The following CTNNA2 variants were observed in gnomAD, a reference collection of about 807,000 sequenced individuals.
The protein encoded by CTNNA2 is catenin alpha-2.
Under a neutral mutation model 101.0 loss-of-function variants are expected in CTNNA2, and 42 were observed. The ratio of observed to expected loss-of-function variants is 0.42; its 90% CI spans 0.32 to 0.54. The LOEUF is 0.54. Ranked by LOEUF, CTNNA2 falls within the 20% of genes least tolerant of loss-of-function variation. The pLI is 0.14. For missense variants in CTNNA2, 871 were observed against 1,223.1 expected, an observed-to-expected ratio of 0.71 and a Z score of 4.29; for synonymous variants, 450 against 456.4, an observed-to-expected ratio of 0.99 and a Z score of 0.18.
At chr2:79,618,886 A>G (rs59093443) in intron 1 of CTNNA2, among the ~76,000 whole-genome samples, 3,534 of 152,280 alleles carry the variant, frequency 0.023, 125 homozygotes, top group African/African-American at 0.081. Context: ...ATGCACATAA[A>G]TATATGGGTA....
intron 9 of CTNNA2, among the ~76,000 whole-genome samples, chr2:80,469,967 A>G (rs1303257119): frequency 1.3e-5 from 2 of 152,200 alleles, no homozygotes; most frequent in African/African-American, 2.4e-5. Context: ...CAATAGCAAT[A>G]TAACCCTAAG....
At chr2:79,865,966 G>T (rs533184230) in intron 4 of CTNNA2, among the ~76,000 whole-genome samples, 1 of 152,208 alleles carries the variant, frequency 6.6e-6, no homozygotes, top group Non-Finnish European at 1.5e-5. Context: ...TGATCCGCCC[G>T]CCTCGGCCTC....
At chr2:80,020,235 A>T (rs1694457698) in intron 7 of CTNNA2, among the ~76,000 whole-genome samples, 1 of 152,210 alleles carries the variant, frequency 6.6e-6, no homozygotes, top group South Asian at 2.1e-4. Flanking sequence ...ACCAAGGGGA[A>T]GTGAATGAGG....
At chr2:79,402,698 G>A (rs1248051615) in intron 4 of CTNNA2, among the ~76,000 whole-genome samples, 3 of 151,764 alleles carry the variant, frequency 2.0e-5, no homozygotes, top group African/African-American at 4.8e-5. Flanking sequence ...TCTTCTCAAT[G>A]CATTTGGAAC....
chr2:79,374,953 A>T (rs1484575675), intron 4 of CTNNA2, among the ~76,000 whole-genome samples: 2 of 152,178 alleles, frequency 1.3e-5, no homozygotes, highest in Non-Finnish European at 2.9e-5. Flanking sequence ...TGCTTGAATT[A>T]TTAACAGAGA....
intron 4 of CTNNA2, among the ~76,000 whole-genome samples, chr2:79,391,653 T>C (rs768301956): frequency 1.3e-5 from 2 of 152,270 alleles, no homozygotes; most frequent in Non-Finnish European, 2.9e-5. Flanking sequence ...TATCATTATC[T>C]TGATTTTATA....
At chr2:80,471,891 C>T (rs750846663) in intron 9 of CTNNA2, among the ~76,000 whole-genome samples, 12 of 151,942 alleles carry the variant, frequency 7.9e-5, no homozygotes, top group East Asian at 1.9e-4. Flanking sequence ...TTTAGGAGGC[C>T]GAGGTGAGTG....
chr2:80,324,322 C>T (rs1038655382), intron 7 of CTNNA2, among the ~76,000 whole-genome samples: 5 of 152,132 alleles, frequency 3.3e-5, no homozygotes, highest in African/African-American at 1.2e-4. Context: ...TCACGACTCT[C>T]AGAGTCAAGT....
chr2:79,470,078 G>A (rs1036016972), intron 4 of CTNNA2, among the ~76,000 whole-genome samples: 2 of 152,176 alleles, frequency 1.3e-5, no homozygotes, highest in African/African-American at 2.4e-5. Context: ...TAGGAAAAGA[G>A]GAAGTCAAAT....
At chr2:79,879,867 T>A (rs1683294165) in intron 6 of CTNNA2, among the ~76,000 whole-genome samples, 1 of 152,010 alleles carries the variant, frequency 6.6e-6, no homozygotes, top group African/African-American at 2.4e-5. Context: ...TGAACAGGAG[T>A]GGTGAGAGAG....
At chr2:80,208,345 G>T (rs768941516) in intron 7 of CTNNA2, among the ~76,000 whole-genome samples, 2 of 152,156 alleles carry the variant, frequency 1.3e-5, no homozygotes, top group African/African-American at 2.4e-5. Flanking sequence ...AAATAGATGG[G>T]TGGATAGATA....
intron 7 of CTNNA2, among the ~76,000 whole-genome samples, chr2:80,097,347 C>T (rs922702020): frequency 2.0e-4 from 30 of 152,112 alleles, no homozygotes; most frequent in Non-Finnish European, 4.0e-4. Context: ...ATTCTTTTCT[C>T]GCTTGTAGAG....
At chr2:79,279,599 T>C (rs1675307987) in intron 2 of CTNNA2, among the ~76,000 whole-genome samples, 1 of 152,262 alleles carries the variant, frequency 6.6e-6, no homozygotes, top group African/African-American at 2.4e-5. Context: ...TTGGCAATTA[T>C]GTATAACCAA....
intron 4 of CTNNA2, among the ~76,000 whole-genome samples, chr2:79,384,875 G>C (rs747814717): frequency 3.9e-5 from 6 of 152,148 alleles, no homozygotes; most frequent in Middle Eastern, 3.4e-3. Flanking sequence ...AATTTGGTTC[G>C]ATATCACATA....
Position 80,337,956 on chromosome 2 carries a change from G to A in CTNNA2, c.1057-55255G>A, listed in dbSNP as rs1042228423. The stretch of plus-strand genomic sequence containing the variant: ...TGGCTTCCTAGAGCGGAATGTATGG[G>A]CAGCAGTAAAATCAGAAAGGGAATG... On this transcript the variant is annotated intron_variant, in intron 7 of 18. Transcript: ENST00000402739. Among the ~76,000 whole-genome samples, 17 of 152,086 alleles carry A rather than the reference G, an allele frequency of 1.1e-4. No homozygotes were observed. The East Asian group carries it at 1.9e-3, about 17-fold the overall frequency.
intron 2 of CTNNA2, among the ~76,000 whole-genome samples, chr2:79,278,833 G>T (rs947133937): frequency 6.6e-6 from 1 of 152,100 alleles, no homozygotes; most frequent in African/African-American, 2.4e-5. Flanking sequence ...GGTAAAGAGG[G>T]CCAGGTCCTC....
intron 2 of CTNNA2, among the ~76,000 whole-genome samples, chr2:79,716,989 A>T (rs527630734): frequency 6.2e-4 from 93 of 150,686 alleles, no homozygotes; most frequent in Admixed American, 1.6e-3. Flanking sequence ...ATAAGAAGTC[A>T]TAGGGGACAT....
At chr2:80,587,549 A>C (rs891152487) in intron 14 of CTNNA2, among the ~76,000 whole-genome samples, 5 of 152,222 alleles carry the variant, frequency 3.3e-5, no homozygotes, top group Admixed American at 1.3e-4. Flanking sequence ...CGATAGATCC[A>C]TGTAACAGTG....
chr2:80,225,966 AAG>A (rs1708866048), intron 7 of CTNNA2, among the ~76,000 whole-genome samples: 2 of 152,338 alleles, frequency 1.3e-5, no homozygotes, highest in Admixed American at 6.5e-5. Flanking sequence ...TCAATTCAGA[AAG>A]AGTGTGGCAT....
Sources: gnomAD v4.1 joint callset for allele counts (sites outside exome capture counted in the v4.1 genomes callset) on GRCh38, gnomAD v4.1.1 for gene constraint, MANE v1.5 for transcripts, NCBI Gene and HGNC (gene_info 2026-07-23, HGNC 2026-07-21) for gene names.